Variants in COL25A1 observed in about 807,000 individuals in gnomAD.
COL25A1 encodes the protein collagen alpha-1(XXV) chain.
COL25A1 carries 103 observed loss-of-function variants against 128.4 expected under a neutral mutation model. The ratio of observed to expected loss-of-function variants is 0.80; its 90% CI spans 0.68 to 0.94. The LOEUF is 0.94. Among genes scored for constraint, COL25A1 ranks in the 40% least tolerant of loss-of-function variants. The pLI is 0.00. For synonymous variants in COL25A1, 279 were observed against 277.2 expected, an observed-to-expected ratio of 1.01 and a Z score of -0.06; for missense variants, 745 against 840.0, an observed-to-expected ratio of 0.89 and a Z score of 1.40.
chr4:108,996,100 T>C (rs1001480969), intron 6 of COL25A1, among the ~76,000 whole-genome samples: 75 of 152,046 alleles, frequency 4.9e-4, no homozygotes, highest in African/African-American at 1.8e-3. Flanking sequence ...AATGACAAGA[T>C]CAAATTCACA....
At chr4:109,200,684 T>C (rs768305229) in intron 3 of COL25A1, among the ~76,000 whole-genome samples, 3 of 152,186 alleles carry the variant, frequency 2.0e-5, no homozygotes, top group Admixed American at 6.5e-5. Context: ...ACTCTTGAGC[T>C]CAAGTGATCT....
chr4:108,810,265 CAT>C lies in COL25A1; in HGVS notation c.*3660_*3661del, dbSNP rs1163995858. ...TATAACATATCAAAGACAATTTTTC[CAT>C]TGGTACTGACATGCTGATTTGACAA... On this transcript the variant is annotated 3_prime_UTR_variant, in exon 38 of 38. Coordinates refer to ENST00000399132, the MANE Select transcript of COL25A1 (RefSeq NM_198721.4). 1.3e-5 allele frequency: 2 copies of C among 150,990 alleles called. No individual in the cohort carries two copies. Among genetic ancestry groups the C allele is most frequent in the Non-Finnish European group, 3.0e-5 (2 of 67,658 alleles). 9.4% of individuals were successfully genotyped at this position (150,990 alleles called of 1,614,324 possible).
At chr4:108,932,429 T>C (rs1433061506) in intron 11 of COL25A1, among the ~76,000 whole-genome samples, 1 of 152,228 alleles carries the variant, frequency 6.6e-6, no homozygotes. Context: ...AAATTTCACT[T>C]TAAGGCACCA....
intron 8 of COL25A1, among the ~76,000 whole-genome samples, chr4:108,943,533 G>A (rs1748382884): frequency 6.6e-6 from 1 of 152,150 alleles, no homozygotes; most frequent in Non-Finnish European, 1.5e-5. Flanking sequence ...TACAACATGT[G>A]TATTTCATGT....
chr4:108,878,405 G>A (rs2125825979), intron 19 of COL25A1, among the ~76,000 whole-genome samples: 1 of 151,840 alleles, frequency 6.6e-6, no homozygotes, highest in East Asian at 1.9e-4. Context: ...CAATAATCTT[G>A]ATTAACGTGT....
intron 13 of COL25A1, among the ~76,000 whole-genome samples, chr4:108,913,732 CAT>C (rs1197087980): frequency 6.6e-6 from 1 of 152,168 alleles, no homozygotes; most frequent in Non-Finnish European, 1.5e-5. Context: ...TAAAAACCAA[CAT>C]CTAAGTATAT....
At chr4:109,043,207 T>C (rs1345704675) in intron 5 of COL25A1, among the ~76,000 whole-genome samples, 2 of 152,120 alleles carry the variant, frequency 1.3e-5, no homozygotes, top group Admixed American at 6.6e-5. Context: ...GTAGCTGCTA[T>C]AAATTGTAGT....
intron 3 of COL25A1, among the ~76,000 whole-genome samples, chr4:109,226,428 C>A (rs544240188): frequency 6.6e-6 from 1 of 152,202 alleles, no homozygotes; most frequent in South Asian, 2.1e-4. Context: ...TATTAACTTT[C>A]CCACTGAAAA....
intron 20 of COL25A1, among the ~76,000 whole-genome samples, chr4:108,866,723 A>T (rs1737971998): frequency 6.6e-6 from 1 of 152,228 alleles, no homozygotes; most frequent in Admixed American, 6.5e-5. Flanking sequence ...AGAGATTTTT[A>T]AAATAACCAT....
At chr4:108,948,138 T>C (rs1264204374) in intron 8 of COL25A1, among the ~76,000 whole-genome samples, 1 of 152,140 alleles carries the variant, frequency 6.6e-6, no homozygotes, top group Non-Finnish European at 1.5e-5. Flanking sequence ...CAAAAATATT[T>C]AGGTAAAAGA....
chr4:109,265,481 C>A (rs190381029), intron 3 of COL25A1, among the ~76,000 whole-genome samples: 39 of 148,472 alleles, frequency 2.6e-4, no homozygotes, highest in African/African-American at 7.4e-4. Flanking sequence ...CAATAAATAT[C>A]TATTCTTGCA....
chr4:109,095,062 C>T (rs915540627), intron 3 of COL25A1, among the ~76,000 whole-genome samples: 112 of 152,254 alleles, frequency 7.4e-4, no homozygotes, highest in African/African-American at 2.6e-3. Context: ...AAAACATCAT[C>T]CTAAATAAAC....
intron 3 of COL25A1, among the ~76,000 whole-genome samples, chr4:109,178,257 C>CTAAAAACATT (rs1202197998): frequency 6.6e-6 from 1 of 152,112 alleles, no homozygotes; most frequent in African/African-American, 2.4e-5. Flanking sequence ...AATCAAAATG[C>CTAAAAACATT]TAAAAACATT....
At chr4:109,161,370 T>C (rs1772563848) in intron 3 of COL25A1, among the ~76,000 whole-genome samples, 1 of 152,204 alleles carries the variant, frequency 6.6e-6, no homozygotes, top group Non-Finnish European at 1.5e-5. Flanking sequence ...GTTGTTCTAG[T>C]TGATAGAAAC....
intron 3 of COL25A1, among the ~76,000 whole-genome samples, chr4:109,220,593 C>T (rs1778341857): frequency 6.6e-6 from 1 of 152,052 alleles, no homozygotes; most frequent in East Asian, 1.9e-4. Flanking sequence ...AGTATTTTAA[C>T]AGTAGAATTA....
intron 22 of COL25A1, among the ~76,000 whole-genome samples, chr4:108,861,407 A>G (rs1354092811): frequency 2.6e-5 from 4 of 151,922 alleles, no homozygotes; most frequent in Non-Finnish European, 5.9e-5. Context: ...GGAAAGGAGT[A>G]GAGAGCTCAT....
Position 108,824,171 on chromosome 4 carries a change from C to T in COL25A1, c.1845+3G>A, listed in dbSNP as rs749431880. On this transcript the variant is annotated splice_donor_region_variant and intron_variant, in intron 35 of 37. Transcript: ENST00000399132. ...AAGGTACATGCTGGGATGGAGAGGT[C>T]ACCTTTTCTCCCTTTTCTCCTAGAT... 1 of 1,614,024 alleles carries T rather than the reference C, an allele frequency of 6.2e-7. No individual in the cohort carries two copies. Among genetic ancestry groups the T allele is most frequent in the Non-Finnish European group, 8.5e-7 (1 of 1,179,950 alleles).
intron 3 of COL25A1, among the ~76,000 whole-genome samples, chr4:109,290,951 T>C (rs941739288): frequency 2.0e-5 from 3 of 152,120 alleles, no homozygotes; most frequent in Admixed American, 6.6e-5. Flanking sequence ...TGATAGTCTT[T>C]TTGCAGAAGA....
At chr4:109,001,227 A>G (rs1447928336) in intron 6 of COL25A1, among the ~76,000 whole-genome samples, 1 of 152,228 alleles carries the variant, frequency 6.6e-6, no homozygotes, top group Non-Finnish European at 1.5e-5. Flanking sequence ...AGTACACTCA[A>G]TCCTAAATGC....
Sources: allele counts gnomAD v4.1 joint callset (sites outside exome capture counted in the v4.1 genomes callset), GRCh38; gene constraint gnomAD v4.1.1; transcripts MANE v1.5; gene names NCBI Gene and HGNC (gene_info 2026-07-23, HGNC 2026-07-21).